The following DUSP22 variants were observed in gnomAD, a reference collection of about 807,000 sequenced individuals.
The protein encoded by DUSP22 is dual specificity phosphatase 22.
A neutral mutation model predicts 24.5 loss-of-function variants in DUSP22; 24 were observed. The observed-to-expected ratio is 0.98, with a 90% confidence interval of 0.71 to 1.38. The LOEUF is 1.38. DUSP22 is among the 40% of genes most tolerant of loss of function. The pLI, the probability that DUSP22 is intolerant of heterozygous loss-of-function variation, is 0.00. For missense variants in DUSP22, 330 were observed against 269.2 expected (o/e 1.23, Z -1.58); for synonymous variants, 160 against 106.4 (o/e 1.50, Z -3.10).
intron 3 of DUSP22, among the ~76,000 whole-genome samples, chr6:332,352 G>A (rs929304836): frequency 1.1e-4 from 17 of 152,426 alleles, no homozygotes; most frequent in Middle Eastern, 3.4e-3. Flanking sequence ...AGCGACTGTG[G>A]GCAGGGGCCA....
chr6:347,706 T>C (rs1358349125), intron 5 of DUSP22, among the ~76,000 whole-genome samples: 2 of 152,424 alleles, frequency 1.3e-5, no homozygotes, highest in East Asian at 3.9e-4. Context: ...ACATGAAGCA[T>C]TCTAAACAAA....
Position 349,139 on chromosome 6 carries a change from C to G in DUSP22, c.*188C>G, listed in dbSNP as rs1419311429. On this transcript the variant is annotated 3_prime_UTR_variant, in exon 7 of 7. Transcript: ENST00000419235. Reference sequence around the variant, plus strand: ...GCCCCTGCACTCCGCCCACCCCTACCCTGGCTGCACCTGAGCTTGCTGCCC... The same window carrying G: ...GCCCCTGCACTCCGCCCACCCCTACGCTGGCTGCACCTGAGCTTGCTGCCC... 6 of 1,436,318 alleles carry G rather than the reference C, an allele frequency of 4.2e-6. No individual in the cohort carries two copies. Among genetic ancestry groups the G allele is most frequent in the Non-Finnish European group, 4.5e-6 (5 of 1,101,354 alleles). 89.0% of individuals were successfully genotyped at this position (1,436,318 alleles called of 1,614,324 possible). A position where few individuals can be genotyped will look rare whatever the true frequency, so the allele number is the denominator to read the frequency against.
chr6:329,202 A>G (rs1456860624), intron 3 of DUSP22, among the ~76,000 whole-genome samples: 1 of 152,302 alleles, frequency 6.6e-6, no homozygotes, highest in Non-Finnish European at 1.5e-5. Context: ...GATCTTCAAG[A>G]GTGTGGCCAG....
At chr6:341,254 C>T (rs1037105963) in intron 4 of DUSP22, among the ~76,000 whole-genome samples, 8 of 152,302 alleles carry the variant, frequency 5.3e-5, no homozygotes, top group South Asian at 2.1e-4. Flanking sequence ...CACGGCTGTG[C>T]GTGGACGTAA....
chr6:334,989 A>G (rs1226009818), intron 3 of DUSP22, 125 bp from the exon 4 acceptor site: 10 of 1,129,374 alleles, frequency 8.9e-6, no homozygotes, highest in Non-Finnish European at 1.2e-5. Flanking sequence ...GCAACAAAAG[A>G]TGAGTGAAAA....
chr6:301,777 C>T (rs1242935270), intron 1 of DUSP22, among the ~76,000 whole-genome samples: 2 of 152,298 alleles, frequency 1.3e-5, no homozygotes, highest in Non-Finnish European at 2.9e-5. Flanking sequence ...GAGGACTTGA[C>T]AACGGTGGTG....
intron 1 of DUSP22, among the ~76,000 whole-genome samples, chr6:294,253 A>G (rs1309276712): frequency 6.6e-6 from 1 of 152,302 alleles, no homozygotes; most frequent in African/African-American, 2.4e-5. Context: ...CTCACAGTGT[A>G]TCAATGAAGA....
At chr6:324,538 C>G (rs1581170250) in intron 3 of DUSP22, among the ~76,000 whole-genome samples, 1 of 152,304 alleles carries the variant, frequency 6.6e-6, no homozygotes. Context: ...TCTCCACTCT[C>G]CCACCCCGTG....
chr6:345,906 G>A lies in DUSP22; in HGVS notation c.241G>A (p.Gly81Ser), dbSNP rs148279164. 2.2e-5 allele frequency: 36 copies of A among 1,614,226 alleles called. No homozygotes were observed. The highest frequency in any genetic ancestry group is 1.7e-4 in the Middle Eastern group (1 of 6,060). ...ATTCATTCACGAGTGCCGGCTCCGC[G>A]GTGAGAGCTGCCTTGTACACTGGTA... Reference protein sequence around the residue: ...IKFIHECRLRGESCLVHCLAG... With the variant: ...IKFIHECRLRSESCLVHCLAG... Residue 81 changes from glycine (G) to serine (S), a missense_variant, in exon 5 of 7, where the codon GGT (glycine) becomes AGT (serine). Transcript: ENST00000419235.
In DUSP22 at chr6:308,496, G is replaced by A. The variant is rs1038135546; in HGVS notation, c.56-3384G>A. 2.0e-5 allele frequency among the ~76,000 whole-genome samples: 3 copies of A among 152,418 alleles called. No individual in the cohort carries two copies. The East Asian group carries it at 5.8e-4, about 29-fold the overall frequency. ...TGGGAAAGGATGCATCAGCGAACAC[G>A]GTGCTAGCGTGCGGTGAGGAAGAGG... On this transcript the variant is annotated intron_variant, in intron 2 of 6. Coordinates refer to ENST00000419235, the MANE Select transcript of DUSP22 (RefSeq NM_001286555.3).
Position 349,591 on chromosome 6 carries a change from T to G in DUSP22, c.*640T>G. 1.0e-6 allele frequency: 1 copy of G among 987,724 alleles called. No individual in the cohort carries two copies. Among genetic ancestry groups the G allele is most frequent in the South Asian group, 4.7e-5 (1 of 21,370 alleles). The allele number at this position is 987,724 out of a possible 1,614,324, so 61.2% of individuals were successfully genotyped here. A position where few individuals can be genotyped will look rare whatever the true frequency, so the allele number is the denominator to read the frequency against. ...GTGGTGGGGGCAACAGGGGCCAGACTCCTCTAGAGGGAGGGTGGCTCTGGG... is the reference window on the plus strand; with the variant it reads ...GTGGTGGGGGCAACAGGGGCCAGACGCCTCTAGAGGGAGGGTGGCTCTGGG... On this transcript the variant is annotated 3_prime_UTR_variant, in exon 7 of 7. Transcript: ENST00000419235.
chr6:323,931 A>G (rs1235291087), intron 3 of DUSP22, among the ~76,000 whole-genome samples: 1 of 152,306 alleles, frequency 6.6e-6, no homozygotes, highest in Non-Finnish European at 1.5e-5. Context: ...ATTGTCAGTG[A>G]GAGCAGATGG....
intron 3 of DUSP22, among the ~76,000 whole-genome samples, chr6:312,380 G>C (rs1446511471): frequency 6.6e-6 from 1 of 152,262 alleles, no homozygotes; most frequent in Non-Finnish European, 1.5e-5. Context: ...AGGGGTCACA[G>C]AAAACAGAAG....
At chr6:300,001 A>G (rs1757510001) in intron 1 of DUSP22, among the ~76,000 whole-genome samples, 1 of 152,306 alleles carries the variant, frequency 6.6e-6, no homozygotes, top group Non-Finnish European at 1.5e-5. Context: ...CCAAGGGAGA[A>G]CCAATCGAGT....
chr6:313,601 C>A (rs1328807494), intron 3 of DUSP22, among the ~76,000 whole-genome samples: 1 of 152,306 alleles, frequency 6.6e-6, no homozygotes, highest in Non-Finnish European at 1.5e-5. Context: ...AGAAGTGCTA[C>A]CCCTTTTCTT....
intron 4 of DUSP22, among the ~76,000 whole-genome samples, chr6:340,726 T>A (rs1489050255): frequency 6.6e-6 from 1 of 152,302 alleles, no homozygotes; most frequent in Non-Finnish European, 1.5e-5. Context: ...TCTGGTACCA[T>A]GGGCTTTTAG....
chr6:337,301 C>G (rs1486436501), intron 4 of DUSP22: 1 of 152,586 alleles, frequency 6.6e-6, no homozygotes, highest in African/African-American at 2.4e-5. Context: ...AAAATGCCTG[C>G]CCTCAGGGTT....
chr6:350,123 TG>T lies in DUSP22; in HGVS notation c.*1174del. 1.0e-6 allele frequency: 1 copy of T among 986,044 alleles called. No individual in the cohort carries two copies. The highest frequency in any genetic ancestry group is 4.7e-5 in the South Asian group (1 of 21,314). 61.1% of individuals were successfully genotyped at this position (986,044 alleles called of 1,614,324 possible). ...TGAATGTTTTTGGAAAGGTGTTTTT[TG>T]GTATGCAAGTCAGCTTTGCCTCACA... On this transcript the variant is annotated 3_prime_UTR_variant, in exon 7 of 7. Coordinates refer to ENST00000419235, the MANE Select transcript of DUSP22 (RefSeq NM_001286555.3).
chr6:329,064 C>T lies in DUSP22; in HGVS notation c.139-6050C>T, dbSNP rs540583475. Among the ~76,000 whole-genome samples, 42 of 152,404 alleles carry T rather than the reference C, an allele frequency of 2.8e-4. No individual in the cohort carries two copies. The South Asian group carries it at 6.4e-3, about 23-fold the overall frequency. On this transcript the variant is annotated intron_variant, in intron 3 of 6. Coordinates refer to ENST00000419235, the MANE Select transcript of DUSP22 (RefSeq NM_001286555.3). ...ACGCACCGAGCTGGGCTGCCACACA[C>T]GTAAATGAGCATTCTCTTATGCTTT...
Sources: allele counts gnomAD v4.1 joint callset (sites outside exome capture counted in the v4.1 genomes callset), GRCh38; gene constraint gnomAD v4.1.1; transcripts MANE v1.5; gene names NCBI Gene and HGNC (gene_info 2026-07-23, HGNC 2026-07-21).